Variants in UBE2Z observed in about 807,000 individuals in gnomAD.
UBE2Z encodes the protein ubiquitin-conjugating enzyme E2 Z.
Under a neutral mutation model 32.6 loss-of-function variants are expected in UBE2Z, and 10 were observed. The ratio of observed to expected loss-of-function variants is 0.31; its 90% CI spans 0.19 to 0.52. The LOEUF (loss-of-function observed/expected upper bound fraction) is 0.52, where lower values mean the gene tolerates loss of function less well. UBE2Z is among the 20% of genes least tolerant of loss of function. The probability of loss-of-function intolerance (pLI) is 0.97; values close to 1 mark genes in which losing one functional copy is unlikely to be tolerated. For synonymous variants in UBE2Z, 183 were observed against 190.8 expected (o/e 0.96, Z 0.34); for missense variants, 343 against 480.9 (o/e 0.71, Z 2.68).
In UBE2Z at chr17:48,909,027, C is replaced by T. The variant is rs574826706; in HGVS notation, c.317+207C>T. 162 of 303,870 alleles carry T rather than the reference C, an allele frequency of 5.3e-4. 2 individuals are homozygous for T. In the East Asian group the frequency reaches 0.011, roughly 20 times the overall value. The allele number at this position is 303,870 out of a possible 1,614,324, so 18.8% of individuals were successfully genotyped here. A position where few individuals can be genotyped will look rare whatever the true frequency, so the allele number is the denominator to read the frequency against. On this transcript the variant is annotated intron_variant, in intron 1 of 6. Transcript: ENST00000360943. Reference sequence around the variant, plus strand: ...CAGACCCGCAAGCACCAACCCCCGCCTCGTGTGCCCAGATCCGACCCCGCC... The same window carrying T: ...CAGACCCGCAAGCACCAACCCCCGCTTCGTGTGCCCAGATCCGACCCCGCC...
chr17:48,924,774 AG>A (rs1428647104), intron 6 of UBE2Z, among the ~76,000 whole-genome samples: 2 of 138,764 alleles, frequency 1.4e-5, no homozygotes, highest in East Asian at 4.8e-4. Context: ...TGAACCTGGG[AG>A]GCAGAGGTTG....
At chr17:48,911,460 T>A (rs1342262166) in intron 2 of UBE2Z, 1 of 152,822 alleles carries the variant, frequency 6.5e-6, no homozygotes, top group Non-Finnish European at 1.5e-5. Context: ...CTGGCATAGA[T>A]ACCTAGGTTT....
chr17:48,910,063 T>C (rs114199293), intron 1 of UBE2Z, among the ~76,000 whole-genome samples: 3,463 of 152,264 alleles, frequency 0.023, 135 homozygotes, highest in African/African-American at 0.079. Flanking sequence ...ATTTGCCCTT[T>C]TTATGTCCCT....
At chr17:48,917,343 G>A (rs1233338735) in intron 4 of UBE2Z, among the ~76,000 whole-genome samples, 2 of 152,090 alleles carry the variant, frequency 1.3e-5, no homozygotes, top group Non-Finnish European at 2.9e-5. Flanking sequence ...TTATTTGTGA[G>A]AGTTACAATA....
chr17:48,909,935 G>A (rs920281562), intron 1 of UBE2Z, among the ~76,000 whole-genome samples: 22 of 152,096 alleles, frequency 1.4e-4, no homozygotes, highest in African/African-American at 5.3e-4. Flanking sequence ...AACTGTGGAG[G>A]GATTGCCACC....
At chr17:48,923,430 A>G (rs1457280427) in intron 6 of UBE2Z, among the ~76,000 whole-genome samples, 1 of 151,778 alleles carries the variant, frequency 6.6e-6, no homozygotes, top group Non-Finnish European at 1.5e-5. Context: ...CGGGAGTGTG[A>G]GACCAGCCTG....
chr17:48,908,450 C>T lies in UBE2Z; in HGVS notation c.-54C>T, dbSNP rs1280208450. The T allele has an allele frequency of 7.4e-6, 9 of 1,217,104 alleles. No individual in the cohort carries two copies. The South Asian group carries it at 2.1e-4, about 28-fold the overall frequency. 75.4% of individuals were successfully genotyped at this position (1,217,104 alleles called of 1,614,324 possible). On this transcript the variant is annotated 5_prime_UTR_variant, in exon 1 of 7. Transcript: ENST00000360943. ...GTGGTGCGGGAGCGGGCGGGAGCAGCGGCCGCTCTGGTCGGCGGACGTGCT... is the reference window on the plus strand; with the variant it reads ...GTGGTGCGGGAGCGGGCGGGAGCAGTGGCCGCTCTGGTCGGCGGACGTGCT...
At chr17:48,915,750 A>G in intron 3 of UBE2Z, 1 of 258,272 alleles carries the variant, frequency 3.9e-6, no homozygotes, top group South Asian at 4.6e-5. Context: ...ATTAACATTT[A>G]GACAACTTTG....
intron 2 of UBE2Z, chr17:48,912,593 T>C: frequency 2.1e-6 from 1 of 476,330 alleles, no homozygotes; most frequent in Non-Finnish European, 3.8e-6. Context: ...CGCCTTGGGC[T>C]CTAACTTTAG....
At position 48,916,114 on chromosome 17, in the gene UBE2Z, TCTC is replaced by T; in HGVS notation, c.621_623del (p.Ser208del). 1 of 1,589,672 alleles carries T rather than the reference TCTC, an allele frequency of 6.3e-7. No individual in the cohort carries two copies. On this transcript the variant is annotated inframe_deletion, in exon 4 of 7. Coordinates refer to ENST00000360943, the MANE Select transcript of UBE2Z (RefSeq NM_023079.5). Reference sequence around the variant, plus strand: ...CCTGCCTGGAGCCCAGCCCAGAGCATCTCCTCAGTGCTCATCTCTATCCAGTCC... The same window carrying T: ...CCTGCCTGGAGCCCAGCCCAGAGCATCTCAGTGCTCATCTCTATCCAGTCC...
chr17:48,924,756 G>C (rs1461239384), intron 6 of UBE2Z, among the ~76,000 whole-genome samples: 1 of 136,158 alleles, frequency 7.3e-6, no homozygotes, highest in African/African-American at 2.7e-5. Flanking sequence ...TGAGGGATGA[G>C]AAATGCTTGA....
intron 6 of UBE2Z, 118 bp downstream of exon 6, chr17:48,923,055 C>G: frequency 1.1e-6 from 1 of 917,808 alleles, no homozygotes; most frequent in Non-Finnish European, 1.6e-6. Context: ...GGTTCAGTGG[C>G]TCATGCCTGT....
intron 4 of UBE2Z, among the ~76,000 whole-genome samples, chr17:48,919,635 G>A (rs1056829398): frequency 6.6e-6 from 1 of 152,072 alleles, no homozygotes; most frequent in African/African-American, 2.4e-5. Flanking sequence ...CACCACCAAT[G>A]CCCAGCTAAT....
At chr17:48,921,056 T>A (rs926623412) in intron 4 of UBE2Z, 104 bp from the exon 5 acceptor site, 1 of 870,450 alleles carries the variant, frequency 1.1e-6, no homozygotes, top group African/African-American at 1.7e-5. Context: ...ATCTTTTTAG[T>A]TTGTGTGACT....
In UBE2Z at chr17:48,908,437, C is replaced by G. The variant is rs890203309; in HGVS notation, c.-67C>G. On this transcript the variant is annotated 5_prime_UTR_variant, in exon 1 of 7. Transcript: ENST00000360943. ...GGCCCGGTTCTCGGTGGTGCGGGAG[C>G]GGGCGGGAGCAGCGGCCGCTCTGGT... 5.0e-6 allele frequency: 6 copies of G among 1,195,828 alleles called. No homozygotes were observed. The highest frequency in any genetic ancestry group is 5.2e-6 in the Non-Finnish European group (5 of 959,126). 74.1% of individuals were successfully genotyped at this position (1,195,828 alleles called of 1,614,324 possible).
intron 2 of UBE2Z, chr17:48,911,360 G>A (rs2040675586): frequency 6.3e-6 from 1 of 159,148 alleles, no homozygotes; most frequent in Non-Finnish European, 1.4e-5. Flanking sequence ...GTCCTTACTG[G>A]TTGCGTTTAA....
intron 4 of UBE2Z, among the ~76,000 whole-genome samples, chr17:48,916,581 G>A (rs939801408): frequency 2.0e-5 from 2 of 102,420 alleles, no homozygotes; most frequent in African/African-American, 6.4e-5. Context: ...CTGCTTGGGA[G>A]GTTTTTTTTG....
chr17:48,925,829 A>C (rs2040793986), intron 6 of UBE2Z, among the ~76,000 whole-genome samples: 1 of 152,206 alleles, frequency 6.6e-6, no homozygotes, highest in Non-Finnish European at 1.5e-5. Flanking sequence ...TCCCAGTGAC[A>C]GTGACTAGCA....
At chr17:48,925,672 T>TAC (rs1246943484) in intron 6 of UBE2Z, among the ~76,000 whole-genome samples, 4 of 151,832 alleles carry the variant, frequency 2.6e-5, no homozygotes, top group Non-Finnish European at 5.9e-5. Flanking sequence ...TGGGAGGGAG[T>TAC]ACAGCATCTG....
Sources: gnomAD v4.1 joint callset for allele counts (sites outside exome capture counted in the v4.1 genomes callset) on GRCh38, gnomAD v4.1.1 for gene constraint, MANE v1.5 for transcripts, NCBI Gene and HGNC (gene_info 2026-07-23, HGNC 2026-07-21) for gene names.